The following ANKMY1 variants were observed in gnomAD, a reference collection of about 807,000 sequenced individuals.
ANKMY1 encodes the protein ankyrin repeat and MYND domain containing 1.
In ANKMY1, 98 loss-of-function variants were observed where a neutral mutation model predicts 102.0. That is an observed-to-expected ratio of 0.96 (90% CI 0.82 to 1.14). The LOEUF is 1.14. Ranked by LOEUF, ANKMY1 falls within the 50% of genes most tolerant of loss-of-function variation. The probability of loss-of-function intolerance (pLI) is 0.00; values close to 1 mark genes in which losing one functional copy is unlikely to be tolerated. For missense variants in ANKMY1, 1,330 were observed against 1,347.6 expected, an observed-to-expected ratio of 0.99 and a Z score of 0.20; for synonymous variants, 582 against 559.9, an observed-to-expected ratio of 1.04 and a Z score of -0.56.
intron 11 of ANKMY1, 94 bp from the exon 12 acceptor site, chr2:240,509,549 A>G (rs2079735953): frequency 2.2e-6 from 2 of 899,914 alleles, no homozygotes; most frequent in Non-Finnish European, 3.4e-6. Context: ...AAATCAATGT[A>G]GTCACTCAAC....
chr2:240,474,984 T>A (rs916278568), downstream of ANKMY1, among the ~76,000 whole-genome samples: 2 of 152,242 alleles, frequency 1.3e-5, no homozygotes, highest in African/African-American at 4.8e-5. Flanking sequence ...TTTTTAGCTC[T>A]TTGAGGAATC....
chr2:240,479,292 C>T, downstream of ANKMY1: 2 of 401,078 alleles, frequency 5.0e-6, no homozygotes, highest in Non-Finnish European at 9.0e-6. Context: ...CCCTCACCTG[C>T]CTCGTCCATC....
At chr2:240,524,430 C>T (rs1343494529) in intron 7 of ANKMY1, 49 bp from the exon 8 acceptor site, 1 of 1,547,998 alleles carries the variant, frequency 6.5e-7, no homozygotes, top group Middle Eastern at 1.7e-4. Flanking sequence ...GGAGTGATAA[C>T]CTCATTCTAG....
Position 240,505,330 on chromosome 2 carries a change from C to T in ANKMY1, c.2526+2230G>A, listed in dbSNP as rs11898375. On this transcript the variant is annotated intron_variant, in intron 13 of 17. Transcript: ENST00000401804. ...TATAAAAATCAGCCGGGTGTGGTGG[C>T]GCACACCTGTAATCCCAGCTACTCG... Among the ~76,000 whole-genome samples, 615 of 151,946 alleles carry T rather than the reference C, an allele frequency of 4.0e-3. 3 individuals carry two copies. Among genetic ancestry groups the T allele is most frequent in the African/African-American group, 0.013 (536 of 41,416 alleles).
chr2:240,536,113 C>A (rs1347481047), intron 4 of ANKMY1, among the ~76,000 whole-genome samples: 1 of 151,630 alleles, frequency 6.6e-6, no homozygotes, highest in Non-Finnish European at 1.5e-5. Context: ...AACCATGGGT[C>A]GAGAGGAAAT....
intron 4 of ANKMY1, among the ~76,000 whole-genome samples, chr2:240,535,488 G>C (rs1244052642): frequency 6.6e-6 from 1 of 152,204 alleles, no homozygotes; most frequent in African/African-American, 2.4e-5. Context: ...CCTGCATCTG[G>C]AAAGAAAGGA....
At chr2:240,473,234 C>G in the ANKMY1 span, among the ~76,000 whole-genome samples, 1 of 149,020 alleles carries the variant, frequency 6.7e-6, no homozygotes, top group African/African-American at 2.5e-5. Flanking sequence ...AAACAATCAT[C>G]TTAAAAAAAC....
At chr2:240,543,864 A>G (rs2089639620) in intron 4 of ANKMY1, among the ~76,000 whole-genome samples, 1 of 152,200 alleles carries the variant, frequency 6.6e-6, no homozygotes, top group Non-Finnish European at 1.5e-5. Context: ...ATATGTTTCT[A>G]AAAATTGTGG....
chr2:240,510,955 A>G (rs2080063926), intron 11 of ANKMY1, among the ~76,000 whole-genome samples: 1 of 151,158 alleles, frequency 6.6e-6, no homozygotes, highest in Non-Finnish European at 1.5e-5. Context: ...CTGGAGCCTC[A>G]CTGTTCATTC....
chr2:240,481,507 TG>T (rs1284244148), intron 16 of ANKMY1, among the ~76,000 whole-genome samples: 6 of 152,126 alleles, frequency 3.9e-5, no homozygotes, highest in African/African-American at 1.4e-4. Context: ...AGGCTGCCTT[TG>T]GGGTGAAACT....
rs775252207 is a variant in ANKMY1 at position 240,529,565 on chromosome 2, GATC to G, written c.481-59_481-57del. ...GATAACGCGACCCAGCTGCACATGT[GATC>G]ATGTTTGTAACGTCAAAAGAAATCC... On this transcript the variant is annotated intron_variant, in intron 4 of 17. Transcript: ENST00000401804. The surrounding 1 kb of genome is among the most constrained non-coding windows in gnomAD (Gnocchi z 4.2). The G allele has an allele frequency of 4.7e-4, 687 of 1,456,282 alleles. 4 individuals carry two copies. The highest frequency in any genetic ancestry group is 4.7e-4 in the Middle Eastern group (2 of 4,220). The allele number at this position is 1,456,282 out of a possible 1,614,324, so 90.2% of individuals were successfully genotyped here. A position where few individuals can be genotyped will look rare whatever the true frequency, so the allele number is the denominator to read the frequency against.
At chr2:240,548,265 CAT>C (rs1205611683) in intron 4 of ANKMY1, among the ~76,000 whole-genome samples, 2 of 152,202 alleles carry the variant, frequency 1.3e-5, no homozygotes, top group Non-Finnish European at 2.9e-5. Flanking sequence ...ACAAAAACCA[CAT>C]GATTATCTCA....
chr2:240,528,189 A>G (rs972611285), intron 5 of ANKMY1, among the ~76,000 whole-genome samples: 5 of 151,936 alleles, frequency 3.3e-5, no homozygotes, highest in Admixed American at 3.3e-4. Flanking sequence ...CGGGAGGCTG[A>G]GGCAAAGAAC....
rs2084910068 is a variant in ANKMY1, at chr2:240,529,890, A to G, written c.481-381T>C. 6.6e-6 allele frequency among the ~76,000 whole-genome samples: 1 copy of G among 152,012 alleles called. No homozygotes were observed. Among genetic ancestry groups the G allele is most frequent in the Non-Finnish European group, 1.5e-5 (1 of 68,006 alleles). ...GCTGGGGCAGCAGTGGGTGGGGAGG[A>G]AGTATGCAGGCAGCAGGTCAGGTAT... On this transcript the variant is annotated intron_variant, in intron 4 of 17. Transcript: ENST00000401804. This position sits in a 1 kb window ranked among gnomAD's most constrained non-coding sequence, Gnocchi z 4.2.
intron 13 of ANKMY1, among the ~76,000 whole-genome samples, chr2:240,502,219 C>T (rs1414683665): frequency 4.0e-5 from 6 of 150,704 alleles, no homozygotes; most frequent in Non-Finnish European, 8.9e-5. Context: ...CTCACTCAGT[C>T]CTGGCACCGG....
chr2:240,512,712 C>T (rs552428951), intron 10 of ANKMY1, 90 bp downstream of exon 10: 36 of 1,446,022 alleles, frequency 2.5e-5, no homozygotes, highest in South Asian at 2.1e-4. Flanking sequence ...CCATCATGCT[C>T]GGCAAGCACA....
chr2:240,500,042 C>G lies in ANKMY1; in HGVS notation c.2722G>C (p.Glu908Gln), dbSNP rs1398081813. 3 of 1,612,804 alleles carry G rather than the reference C, an allele frequency of 1.9e-6. No individual in the cohort carries two copies. The African/African-American group carries it at 4.0e-5, about 22-fold the overall frequency. The change falls in exon 15 of 18, where the codon GAG (glutamate) becomes CAG (glutamine). Residue 908 changes from glutamate to glutamine, a missense_variant. Glu to Gln is a conservative substitution (Grantham distance 29). Transcript: ENST00000401804. ...ETFLARKRLL[E>Q]YMGLQLRQAV... is the part of the protein sequence containing the mutation. ...TGCCGTAGCTGCAAGCCCATGTACTCCAGGAGCCGCTTCCGCGCCAGGAAC... is the reference window on the plus strand; with the variant it reads ...TGCCGTAGCTGCAAGCCCATGTACTGCAGGAGCCGCTTCCGCGCCAGGAAC...
chr2:240,522,154 G>A (rs2082433177), intron 8 of ANKMY1: 1 of 152,170 alleles, frequency 6.6e-6, no homozygotes, highest in African/African-American at 2.4e-5. Context: ...ATTTTACAGA[G>A]TGCTGATTGG....
At chr2:240,493,925 C>T (rs1026952908) in intron 15 of ANKMY1, among the ~76,000 whole-genome samples, 3 of 152,114 alleles carry the variant, frequency 2.0e-5, no homozygotes, top group Admixed American at 6.5e-5. Flanking sequence ...TGGGCAATGG[C>T]AATACCAATG....
Sources: gnomAD v4.1 joint callset for allele counts (sites outside exome capture counted in the v4.1 genomes callset) on GRCh38, gnomAD v4.1.1 for gene constraint, Gnocchi (gnomAD v3.1) non-coding constraint, MANE v1.5 for transcripts, NCBI Gene and HGNC (gene_info 2026-07-23, HGNC 2026-07-21) for gene names.